Variants in FRMD1 observed in about 807,000 individuals in gnomAD.
FRMD1 encodes the protein FERM domain containing 1.
Under a neutral mutation model 54.9 loss-of-function variants are expected in FRMD1, and 51 were observed. The observed-to-expected ratio is 0.93, with a 90% CI of 0.74 to 1.17. The LOEUF (loss-of-function observed/expected upper bound fraction) is 1.17. Ranked by LOEUF, FRMD1 falls within the 50% of genes most tolerant of loss-of-function variation. FRMD1 has a pLI of 0.00. For missense variants in FRMD1, 729 were observed against 743.0 expected (o/e 0.98, Z 0.22); for synonymous variants, 324 against 306.4 (o/e 1.06, Z -0.60).
intron 1 of FRMD1, among the ~76,000 whole-genome samples, chr6:168,076,154 A>G (rs556168521): frequency 1.3e-5 from 2 of 152,156 alleles, no homozygotes; most frequent in African/African-American, 4.8e-5. Context: ...CAAGCCTGTG[A>G]CGGAGGGTGC....
chr6:168,073,801 GA>G (rs1800424772), intron 2 of FRMD1, among the ~76,000 whole-genome samples: 6 of 152,154 alleles, frequency 3.9e-5, no homozygotes, highest in African/African-American at 1.4e-4. Context: ...CAGACACTGG[GA>G]GGATGGAGTG....
intron 1 of FRMD1, among the ~76,000 whole-genome samples, chr6:168,091,675 C>A (rs530121415): frequency 1.3e-5 from 2 of 152,234 alleles, no homozygotes; most frequent in Admixed American, 6.5e-5. Context: ...GCCCAGGGAC[C>A]CTGAGAACAC....
intron 1 of FRMD1, among the ~76,000 whole-genome samples, chr6:168,075,585 C>T (rs373237514): frequency 2.0e-4 from 30 of 152,282 alleles, no homozygotes; most frequent in East Asian, 7.7e-4. Context: ...AGGGCTGCCC[C>T]CTCCATCCCT....
upstream of FRMD1, among the ~76,000 whole-genome samples, chr6:168,085,199 A>G (rs539949975): frequency 9.8e-5 from 15 of 152,350 alleles, no homozygotes; most frequent in Non-Finnish European, 1.6e-4. Flanking sequence ...CCTGGATCCT[A>G]GAGAACTAGA....
chr6:168,078,154 A>G (rs1356521207), intron 1 of FRMD1, among the ~76,000 whole-genome samples: 1 of 152,136 alleles, frequency 6.6e-6, no homozygotes, highest in Non-Finnish European at 1.5e-5. Context: ...ATCCACATTA[A>G]TCATTAAAAT....
rs1268155508 is a variant in FRMD1 at position 168,061,894 on chromosome 6, G to A, written c.958C>T (p.Leu320=). The A allele has an allele frequency of 3.1e-6, 5 of 1,595,470 alleles. No individual in the cohort carries two copies. In the East Asian group the frequency reaches 9.1e-5, roughly 29 times the overall value. ...YTGCTWRSRH[L]LHLLRASHQL... is the part of the protein sequence containing the mutation. ...TGGCTGGCGCGCAGCAGGTGCAGCA[G>A]GTGCCTGGACCGCCAGGTGCACCCC... Residue 320 remains leucine (L), a synonymous_variant, in exon 8 of 11, where the codon CTG becomes TTG. Transcript: ENST00000283309.
rs763361741 is a variant in FRMD1 at position 168,079,015 on chromosome 6, C to A, written c.80G>T (p.Cys27Phe). 1.2e-6 allele frequency: 2 copies of A among 1,612,274 alleles called. No individual in the cohort carries two copies. ...AGGCCTCTCAGGACTGGGTTCCATA[C>A]ATCGCGCCCCTGAAGGAGGGAACGT... ...PDTFPPSGAR[C>F]MEPSPERPAC... The change falls in exon 1 of 11, where the codon TGT becomes TTT. Residue 27 changes from cysteine (C) to phenylalanine (F), a missense_variant. Transcript: ENST00000283309.
At chr6:168,080,720 C>CCTCGGTGGGGAGAGCCGGGGA (rs1800804006), upstream of FRMD1, among the ~76,000 whole-genome samples, 1 of 152,156 alleles carries the variant, frequency 6.6e-6, no homozygotes. Flanking sequence ...CACCAGGACC[C>CCTCGGTGGGGAGAGCCGGGGA]CTCGGTGGGG....
Position 168,078,916 on chromosome 6 carries a change from A to G in FRMD1, c.179T>C (p.Leu60Pro), listed in dbSNP as rs752774317. ...CAGCCGCAGTTGCTCCCGGCTGGGC[A>G]GCAGCACGAGGACATCCCTGTGTTC... ...ASEHRDVLVL[L>P]PSREQLRLAV... The change falls in exon 1 of 11, where the codon CTG (leucine) becomes CCG (proline). Residue 60 changes from leucine to proline, a missense_variant. Leu to Pro is a moderately conservative substitution (Grantham distance 98). Transcript: ENST00000283309. The G allele has an allele frequency of 4.4e-6, 7 of 1,602,518 alleles. No homozygotes were observed. The highest frequency in any genetic ancestry group is 5.9e-6 in the Non-Finnish European group (7 of 1,177,268).
In FRMD1 at chr6:168,062,874, G is replaced by C. The variant is rs1398526180; in HGVS notation, c.870+20C>G. 1 of 1,608,810 alleles carries C rather than the reference G, an allele frequency of 6.2e-7. No homozygotes were observed. The highest frequency in any genetic ancestry group is 1.7e-5 in the Admixed American group (1 of 60,004). ...GGGGCAGGACGAGGGGCTCTGTGAG[G>C]CTGGAGCCCCTTCGGTCACCTGGTA... is the stretch of plus-strand genomic sequence containing the variant. On this transcript the variant is annotated intron_variant, in intron 7 of 10. Coordinates refer to ENST00000283309, the MANE Select transcript of FRMD1 (RefSeq NM_024919.6).
intron 1 of FRMD1, among the ~76,000 whole-genome samples, chr6:168,086,845 G>A (rs776196341): frequency 3.3e-5 from 5 of 152,340 alleles, no homozygotes; most frequent in East Asian, 1.9e-4. Flanking sequence ...ATGTGACCCC[G>A]TTCTGCTCTG....
Position 168,063,601 on chromosome 6 carries a change from C to T in FRMD1, c.804G>A (p.Lys268=). 6.2e-7 allele frequency: 1 copy of T among 1,610,138 alleles called. No individual in the cohort carries two copies. The highest frequency in any genetic ancestry group is 8.5e-7 in the Non-Finnish European group (1 of 1,178,402). The change falls in exon 6 of 11, where the codon AAG becomes AAA. Residue 268 remains lysine, a splice_region_variant and synonymous_variant. Transcript: ENST00000283309. ...CATCGCTGGCCGCCCTGGGCTCGAC[C>T]TTGTGCAGCCTGAAGAAGTGCACGG... The part of the protein sequence containing the change: ...DVPVHFFRLH[K]DKKEGRPTVI...
chr6:168,078,926 G>A lies in FRMD1; in HGVS notation c.169C>T (p.Leu57Phe), dbSNP rs201421071. ...DAMASEHRDV[L>F]VLLPSREQLR... ...TGCTCCCGGCTGGGCAGCAGCACGA[G>A]GACATCCCTGTGTTCCGAGGCCATC... The change falls in exon 1 of 11, where the codon CTC (leucine) becomes TTC (phenylalanine). Residue 57 changes from leucine (L) to phenylalanine (F), a missense_variant. Transcript: ENST00000283309. The A allele has an allele frequency of 6.2e-7, 1 of 1,606,886 alleles. No individual in the cohort carries two copies. Among genetic ancestry groups the A allele is most frequent in the East Asian group, 2.2e-5 (1 of 44,812 alleles).
intron 4 of FRMD1, chr6:168,066,395 G>A: frequency 1.7e-5 from 8 of 479,356 alleles, no homozygotes; most frequent in Non-Finnish European, 2.2e-5. Context: ...CTACTCTGGA[G>A]ACTAAGGCAG....
chr6:168,073,841 C>T (rs973943770), intron 2 of FRMD1, among the ~76,000 whole-genome samples: 81 of 152,160 alleles, frequency 5.3e-4, no homozygotes, highest in South Asian at 2.1e-4. Flanking sequence ...GCAGGGTCCC[C>T]GGCTCACTCA....
chr6:168,054,048 C>G lies in FRMD1; in HGVS notation c.*3049G>C, dbSNP rs1221024687. ...GCCCAGAGGAGTCCATGCTTCAACA[C>G]AGGCAAGAGGGAACCGGCCACACCC... On this transcript the variant is annotated 3_prime_UTR_variant, in exon 11 of 11. Coordinates refer to ENST00000283309, the MANE Select transcript of FRMD1 (RefSeq NM_024919.6). 6.6e-6 allele frequency: 1 copy of G among 152,452 alleles called. No individual in the cohort carries two copies. The highest frequency in any genetic ancestry group is 1.5e-5 in the Non-Finnish European group (1 of 68,240). 9.4% of individuals were successfully genotyped at this position (152,452 alleles called of 1,614,324 possible).
At chr6:168,088,363 G>C (rs1338246201) in intron 1 of FRMD1, among the ~76,000 whole-genome samples, 1 of 152,158 alleles carries the variant, frequency 6.6e-6, no homozygotes, top group East Asian at 1.9e-4. Flanking sequence ...AACTGCGGGC[G>C]GGGGAGTGGC....
intron 1 of FRMD1, among the ~76,000 whole-genome samples, chr6:168,077,611 C>T (rs572745709): frequency 6.6e-6 from 1 of 152,372 alleles, no homozygotes; most frequent in Admixed American, 6.5e-5. Context: ...CCAGCAGGGG[C>T]CACAGGAGTT....
intron 1 of FRMD1, among the ~76,000 whole-genome samples, chr6:168,091,888 C>T (rs1801021466): frequency 8.1e-6 from 1 of 124,132 alleles, no homozygotes; most frequent in African/African-American, 3.5e-5. Flanking sequence ...TCCACTCACT[C>T]CGGATCAGGT....
Sources: allele counts gnomAD v4.1 joint callset (sites outside exome capture counted in the v4.1 genomes callset), GRCh38; gene constraint gnomAD v4.1.1; transcripts MANE v1.5; gene names NCBI Gene and HGNC (gene_info 2026-07-23, HGNC 2026-07-21).